The following ISM2 variants were observed in gnomAD, a reference collection of about 807,000 sequenced individuals.
ISM2 encodes the protein isthmin 2, also known as isthmin-2.
Under a neutral mutation model 58.0 loss-of-function variants are expected in ISM2, and 50 were observed. The observed-to-expected ratio is 0.86, with a 90% CI of 0.69 to 1.09. The LOEUF (loss-of-function observed/expected upper bound fraction) is 1.09, where lower values mean the gene tolerates loss of function less well. Among genes scored for constraint, ISM2 ranks in the 50% least tolerant of loss-of-function variants. ISM2 has a pLI of 0.00. For missense variants in ISM2, 723 were observed against 745.0 expected, an observed-to-expected ratio of 0.97 and a Z score of 0.34; for synonymous variants, 303 against 312.4, an observed-to-expected ratio of 0.97 and a Z score of 0.32.
chr14:77,478,131 T>G, intron 6 of ISM2, 111 bp downstream of exon 6: 1 of 857,434 alleles, frequency 1.2e-6, no homozygotes, highest in East Asian at 2.4e-5. Context: ...ATGGAAGCTG[T>G]GCTCTCTGCC....
chr14:77,480,683 G>A (rs1305701928), intron 4 of ISM2, among the ~76,000 whole-genome samples: 3 of 139,650 alleles, frequency 2.1e-5, no homozygotes, highest in Non-Finnish European at 4.8e-5. Context: ...TCAGCCTCCC[G>A]AGTAGCTGGG....
chr14:77,490,253 T>A (rs1414940359), intron 1 of ISM2, among the ~76,000 whole-genome samples: 1 of 152,206 alleles, frequency 6.6e-6, no homozygotes, highest in African/African-American at 2.4e-5. Flanking sequence ...CGCCTCGGCC[T>A]CCCAAAGTGC....
At chr14:77,476,534 T>C (rs1020600852) in intron 6 of ISM2, among the ~76,000 whole-genome samples, 1 of 152,188 alleles carries the variant, frequency 6.6e-6, no homozygotes, top group Non-Finnish European at 1.5e-5. Context: ...ACCATTCTTG[T>C]TCTGAACGCT....
Position 77,482,322 on chromosome 14 carries a change from C to CT in ISM2, c.972_973insA (p.Asp325ArgfsTer3), listed in dbSNP as rs1566754509. On this transcript the variant is annotated frameshift_variant and splice_region_variant, in exon 4 of 7. Transcript: ENST00000342219. LOFTEE classifies it high-confidence loss of function. ...GGGATGCCAAGATGGGGGTGCTCAC[C>CT]GTAGCTGACAGAATCCTTGAAGACC... is the stretch of plus-strand genomic sequence containing the variant. 1.9e-6 allele frequency: 3 copies of CT among 1,609,766 alleles called. No homozygotes were observed. Among genetic ancestry groups the CT allele is most frequent in the Non-Finnish European group, 2.5e-6 (3 of 1,177,690 alleles).
In ISM2 at chr14:77,490,647, C is replaced by T. The variant is rs1021330584; in HGVS notation, c.142-5728G>A. On this transcript the variant is annotated intron_variant, in intron 1 of 6. Transcript: ENST00000342219. The stretch of plus-strand genomic sequence containing the variant: ...GCAGTGGCTGCACCTTCTGGTTTGC[C>T]GCCTGCTGCTCTGCGGTGCTGAATG... Among the ~76,000 whole-genome samples the T allele has an allele frequency of 5.3e-5, 8 of 152,184 alleles. No individual in the cohort carries two copies. In the East Asian group the frequency reaches 7.7e-4, roughly 15 times the overall value.
chr14:77,497,727 G>C (rs2079252881), intron 1 of ISM2, among the ~76,000 whole-genome samples: 2 of 117,034 alleles, frequency 1.7e-5, no homozygotes, highest in African/African-American at 3.2e-5. Flanking sequence ...GAAAGAAAAA[G>C]TAGGAAGGAA....
chr14:77,484,600 T>TAGGGCTTACCCAAC (rs761206643), intron 2 of ISM2, 35 bp from the exon 3 acceptor site: 1,073 of 1,592,596 alleles, frequency 6.7e-4, no homozygotes, highest in Non-Finnish European at 7.8e-4. Flanking sequence ...GGTGACAGGT[T>TAGGGCTTACCCAAC]AGGGCTTACC....
At chr14:77,480,548 C>CTT (rs537228308) in intron 4 of ISM2, among the ~76,000 whole-genome samples, 2 of 84,828 alleles carry the variant, frequency 2.4e-5, no homozygotes, top group African/African-American at 9.7e-5. Context: ...AAATTTTTTC[C>CTT]TTTTTTTTTT....
intron 2 of ISM2, 51 bp from the exon 3 acceptor site, chr14:77,484,616 G>C: frequency 3.1e-6 from 5 of 1,609,762 alleles, no homozygotes; most frequent in Non-Finnish European, 4.2e-6. Flanking sequence ...TTACCCAACA[G>C]GGACCCAGAA....
intron 4 of ISM2, among the ~76,000 whole-genome samples, chr14:77,479,492 T>A (rs1447860918): frequency 6.6e-6 from 1 of 151,776 alleles, no homozygotes; most frequent in Non-Finnish European, 1.5e-5. Context: ...CAAGCAATAC[T>A]CCTGCCTCAG....
chr14:77,476,011 G>A lies in ISM2; in HGVS notation c.1300C>T (p.Pro434Ser), dbSNP rs749725830. Residue 434 changes from proline to serine, a missense_variant, in exon 7 of 7, where the codon CCA (proline) becomes TCA (serine). By Grantham distance (74) the Pro-to-Ser change is moderately conservative. Transcript: ENST00000342219. ...ACAGGGCTGTCCATGGCCTCCAGTG[G>A]GTAGGCACACGGGCAGCTGGGCAGG... is the stretch of plus-strand genomic sequence containing the variant. Reference protein sequence around the residue: ...RDLPSCPCAYPLEAMDSPVSL... With the variant: ...RDLPSCPCAYSLEAMDSPVSL... 6.3e-7 allele frequency: 1 copy of A among 1,583,402 alleles called. No individual in the cohort carries two copies. The highest frequency in any genetic ancestry group is 1.1e-5 in the South Asian group (1 of 89,944).
chr14:77,483,470 C>T (rs2017446), intron 3 of ISM2, among the ~76,000 whole-genome samples: 81,680 of 151,144 alleles, frequency 0.54, 25,908 homozygotes, highest in East Asian at 0.93. Context: ...ATTTATTGAA[C>T]CCAGGAGGCA....
At chr14:77,489,648 G>C (rs1399892212) in intron 1 of ISM2, among the ~76,000 whole-genome samples, 1 of 152,042 alleles carries the variant, frequency 6.6e-6, no homozygotes, top group East Asian at 1.9e-4. Flanking sequence ...TGAGTAGCTG[G>C]GATTAGGTAT....
At chr14:77,487,070 T>C (rs1173767106) in intron 1 of ISM2, among the ~76,000 whole-genome samples, 2 of 151,392 alleles carry the variant, frequency 1.3e-5, no homozygotes, top group Non-Finnish European at 2.9e-5. Context: ...GGTGAAATCC[T>C]GTCCCTACTA....
At chr14:77,489,851 C>T (rs2079190762) in intron 1 of ISM2, among the ~76,000 whole-genome samples, 1 of 152,116 alleles carries the variant, frequency 6.6e-6, no homozygotes, top group Non-Finnish European at 1.5e-5. Flanking sequence ...AGCTAAGAAG[C>T]CTCATATTTT....
intron 1 of ISM2, among the ~76,000 whole-genome samples, chr14:77,492,407 C>T (rs1048365196): frequency 4.1e-4 from 63 of 152,114 alleles, no homozygotes; most frequent in African/African-American, 1.5e-3. Flanking sequence ...ACAAGGAACA[C>T]ACATGGCGGC....
At chr14:77,477,215 G>C (rs2079103760) in intron 6 of ISM2, among the ~76,000 whole-genome samples, 1 of 152,206 alleles carries the variant, frequency 6.6e-6, no homozygotes, top group African/African-American at 2.4e-5. Flanking sequence ...GGCCACGTGG[G>C]AATGTGCAGA....
At chr14:77,496,857 GA>G (rs1357547264) in intron 1 of ISM2, among the ~76,000 whole-genome samples, 1 of 117,060 alleles carries the variant, frequency 8.5e-6, no homozygotes, top group Non-Finnish European at 1.8e-5. Context: ...GTGGGGACAG[GA>G]AAAAAACCTA....
In ISM2 at chr14:77,475,922, C is replaced by T. The variant is rs1346781332; in HGVS notation, c.1389G>A (p.Glu463=). Residue 463 remains glutamate (E), a synonymous_variant, in exon 7 of 7, where the codon GAG becomes GAA. Transcript: ENST00000342219. This position sits in a 1 kb window ranked among gnomAD's most constrained non-coding sequence, Gnocchi z 4.1. ...FRWRDASGPR[E]RLDIYQPTAR... ...CCGTGGGCTGGTAGATGTCCAGGCG[C>T]TCGCGAGGGCCACTGGCATCCCTCC... 3 of 1,600,294 alleles carry T rather than the reference C, an allele frequency of 1.9e-6. No individual in the cohort carries two copies. Among genetic ancestry groups the T allele is most frequent in the East Asian group, 2.2e-5 (1 of 44,864 alleles).
Sources: allele counts gnomAD v4.1 joint callset (sites outside exome capture counted in the v4.1 genomes callset), GRCh38; gene constraint gnomAD v4.1.1; non-coding constraint Gnocchi (gnomAD v3.1); transcripts MANE v1.5; gene names NCBI Gene and HGNC (gene_info 2026-07-23, HGNC 2026-07-21).